The following PRKAG2 variants were observed in gnomAD, a reference collection of about 807,000 sequenced individuals.
PRKAG2 encodes the protein protein kinase AMP-activated non-catalytic subunit gamma 2.
A neutral mutation model predicts 69.6 loss-of-function variants in PRKAG2; 26 were observed. The observed-to-expected ratio is 0.37, with a 90% CI of 0.27 to 0.52. The LOEUF (loss-of-function observed/expected upper bound fraction) is 0.52, where lower values mean the gene tolerates loss of function less well. Ranked by LOEUF, PRKAG2 falls within the 20% of genes least tolerant of loss-of-function variation. The pLI, the probability that PRKAG2 is intolerant of heterozygous loss-of-function variation, is 0.90. For synonymous variants in PRKAG2, 293 were observed against 285.0 expected, an observed-to-expected ratio of 1.03 and a Z score of -0.28; for missense variants, 557 against 740.0, an observed-to-expected ratio of 0.75 and a Z score of 2.87.
intron 1 of PRKAG2, 63 bp downstream of exon 1, chr7:151,876,444 T>A: frequency 6.6e-7 from 1 of 1,510,820 alleles, no homozygotes; most frequent in Admixed American, 1.7e-5. Flanking sequence ...GTTAACCGCT[T>A]CGGCGCCGGG....
At chr7:151,679,058 GA>G (rs1277689197) in intron 3 of PRKAG2, among the ~76,000 whole-genome samples, 4 of 152,118 alleles carry the variant, frequency 2.6e-5, no homozygotes, top group African/African-American at 9.7e-5. Context: ...GAAGGAGAGG[GA>G]AGAGGAAGAG....
chr7:151,627,682 G>A (rs953280809), intron 5 of PRKAG2, among the ~76,000 whole-genome samples: 1 of 152,112 alleles, frequency 6.6e-6, no homozygotes, highest in African/African-American at 2.4e-5. Flanking sequence ...ATTCTATTTC[G>A]TTGTTGTCAT....
At chr7:151,824,479 T>C (rs1023600268) in intron 1 of PRKAG2, among the ~76,000 whole-genome samples, 1 of 152,256 alleles carries the variant, frequency 6.6e-6, no homozygotes. Context: ...CGTGATGAGA[T>C]TGTAATGAGA....
At chr7:151,635,424 C>T (rs948323725) in intron 4 of PRKAG2, among the ~76,000 whole-genome samples, 2 of 152,112 alleles carry the variant, frequency 1.3e-5, no homozygotes, top group South Asian at 2.1e-4. Flanking sequence ...ACAGTGCAAA[C>T]GAAATAACAG....
chr7:151,781,440 A>G lies in PRKAG2; in HGVS notation c.187-9T>C, dbSNP rs1269982225. ...CCGAAGGGGCTGTCCACCTGCAGAA[A>G]AACAGACGAATGGATGCAGTCACTC... On this transcript the variant is annotated splice_polypyrimidine_tract_variant and intron_variant, in intron 2 of 15. Coordinates refer to ENST00000287878, the MANE Select transcript of PRKAG2 (RefSeq NM_016203.4). This position sits in a 1 kb window ranked among gnomAD's most constrained non-coding sequence, Gnocchi z 6.1. 6.3e-7 allele frequency: 1 copy of G among 1,599,260 alleles called. No homozygotes were observed. Among genetic ancestry groups the G allele is most frequent in the South Asian group, 1.1e-5 (1 of 89,606 alleles).
chr7:151,724,712 G>GAGCAGCCGCTTGCCCGCCCCACAA (rs1563528113), intron 3 of PRKAG2, among the ~76,000 whole-genome samples: 1 of 152,086 alleles, frequency 6.6e-6, no homozygotes, highest in African/African-American at 2.4e-5. Flanking sequence ...CTCCCTAGCC[G>GAGCAGCCGCTTGCCCGCCCCACAA]GAGCAGCCGC....
intron 3 of PRKAG2, among the ~76,000 whole-genome samples, chr7:151,705,672 G>C (rs1563480948): frequency 2.0e-5 from 3 of 152,140 alleles, no homozygotes; most frequent in Admixed American, 1.3e-4. Flanking sequence ...GGTCCTCCTA[G>C]AGCAGGGTGT....
At chr7:151,649,228 C>T (rs562792867) in intron 4 of PRKAG2, among the ~76,000 whole-genome samples, 75 of 152,172 alleles carry the variant, frequency 4.9e-4, no homozygotes, top group African/African-American at 1.2e-3. Context: ...CAGGTTCAAA[C>T]GATTCTCCTG....
At chr7:151,642,084 C>G (rs1418198021) in intron 4 of PRKAG2, among the ~76,000 whole-genome samples, 4 of 150,306 alleles carry the variant, frequency 2.7e-5, no homozygotes, top group African/African-American at 7.4e-5. Flanking sequence ...ACCTATAATC[C>G]CAGCACTTTG....
At chr7:151,607,623 G>A (rs556047016) in intron 5 of PRKAG2, among the ~76,000 whole-genome samples, 3 of 152,020 alleles carry the variant, frequency 2.0e-5, no homozygotes, top group African/African-American at 4.8e-5. Flanking sequence ...TCTAGAACTC[G>A]AACTCTAACC....
intron 15 of PRKAG2, chr7:151,557,795 G>A (rs763650264): frequency 2.8e-5 from 18 of 632,342 alleles, no homozygotes; most frequent in African/African-American, 4.0e-5. Flanking sequence ...GCTTGAATCC[G>A]GGAGGTGGAG....
At chr7:151,820,129 C>T (rs2151863067) in intron 1 of PRKAG2, among the ~76,000 whole-genome samples, 1 of 152,364 alleles carries the variant, frequency 6.6e-6, no homozygotes, top group East Asian at 1.9e-4. Flanking sequence ...CCAGTCTGAA[C>T]AAGCTCGATG....
At position 151,816,333 on chromosome 7, in the gene PRKAG2, GT is replaced by G. The variant is rs529402719; in HGVS notation, c.115-29793del. On this transcript the variant is annotated intron_variant, in intron 1 of 15. Coordinates refer to ENST00000287878, the MANE Select transcript of PRKAG2 (RefSeq NM_016203.4). ...CCATTTTAAGCGGAAACTGTTTTTT[GT>G]TTTTTTTTTGTCCGTAGAATGAGCC... 3.5e-4 allele frequency among the ~76,000 whole-genome samples: 52 copies of G among 148,088 alleles called. 2 individuals are homozygous for G. In the South Asian group the frequency reaches 8.2e-3, roughly 23 times the overall value.
chr7:151,622,960 C>T (rs1040066770), intron 5 of PRKAG2, among the ~76,000 whole-genome samples: 2 of 152,158 alleles, frequency 1.3e-5, no homozygotes, highest in Non-Finnish European at 2.9e-5. Context: ...TGGTCCCCAA[C>T]CTTTTTGGGA....
chr7:151,772,009 CT>C (rs1204424184), intron 3 of PRKAG2, among the ~76,000 whole-genome samples: 1 of 152,218 alleles, frequency 6.6e-6, no homozygotes, highest in Non-Finnish European at 1.5e-5. Flanking sequence ...CCTGAGAAAG[CT>C]TTGAATAAAA....
chr7:151,576,098 A>G, intron 7 of PRKAG2: 4 of 443,116 alleles, frequency 9.0e-6, no homozygotes, highest in South Asian at 8.5e-5. Context: ...CAGCCTCCTG[A>G]GTAGCTAATT....
chr7:151,742,312 G>T (rs1357758385), intron 3 of PRKAG2, among the ~76,000 whole-genome samples: 1 of 152,188 alleles, frequency 6.6e-6, no homozygotes, highest in Non-Finnish European at 1.5e-5. Flanking sequence ...TTTTAGGCTG[G>T]GAAATTTAAA....
intron 4 of PRKAG2, chr7:151,675,012 T>C: frequency 3.0e-6 from 1 of 336,226 alleles, no homozygotes; most frequent in South Asian, 2.4e-5. Context: ...GTGTCTGCCA[T>C]CTAGGTTTAA....
At position 151,631,675 on chromosome 7, in the gene PRKAG2, C is replaced by G. The variant is rs933700236; in HGVS notation, c.754+394G>C. ...CACAGGCGCAGATAAGGGCACCAGT[C>G]TATGATTAAAGGGTCTGGACTGTGG... On this transcript the variant is annotated intron_variant, in intron 5 of 15. Coordinates refer to ENST00000287878, the MANE Select transcript of PRKAG2 (RefSeq NM_016203.4). 14 of 457,390 alleles carry G rather than the reference C, an allele frequency of 3.1e-5. No homozygotes were observed. The Admixed American group carries it at 3.3e-4, about 11-fold the overall frequency. The allele number at this position is 457,390 out of a possible 1,614,324, so 28.3% of individuals were successfully genotyped here.
Sources: gnomAD v4.1 joint callset for allele counts (sites outside exome capture counted in the v4.1 genomes callset) on GRCh38, gnomAD v4.1.1 for gene constraint, Gnocchi (gnomAD v3.1) non-coding constraint, MANE v1.5 for transcripts, NCBI Gene and HGNC (gene_info 2026-07-23, HGNC 2026-07-21) for gene names.